Variants in ADAMTS17 observed in about 807,000 individuals in gnomAD.
ADAMTS17 encodes the protein A disintegrin and metalloproteinase with thrombospondin motifs 17.
ADAMTS17 carries 113 observed loss-of-function variants against 141.5 expected under a neutral mutation model. That is an observed-to-expected ratio of 0.80 (90% CI 0.69 to 0.93). ADAMTS17 has a LOEUF of 0.93. ADAMTS17 is among the 40% of genes least tolerant of loss of function. The probability of loss-of-function intolerance (pLI) is 0.00; values close to 1 mark genes in which losing one functional copy is unlikely to be tolerated. For missense variants in ADAMTS17, 1,659 were observed against 1,517.9 expected (o/e 1.09, Z -1.54); for synonymous variants, 768 against 630.6 (o/e 1.22, Z -3.27).
At chr15:100,284,780 C>G (rs938358005) in intron 3 of ADAMTS17, among the ~76,000 whole-genome samples, 1 of 152,156 alleles carries the variant, frequency 6.6e-6, no homozygotes, top group Admixed American at 6.5e-5. Context: ...TGCACAGATG[C>G]CAATATTCAC....
At chr15:100,005,962 C>T (rs2141379718) in intron 18 of ADAMTS17, among the ~76,000 whole-genome samples, 1 of 152,150 alleles carries the variant, frequency 6.6e-6, no homozygotes, top group East Asian at 1.9e-4. Context: ...AGCCCCAGCC[C>T]CAGCCCCAGC....
chr15:100,000,909 T>G (rs1162343350), intron 18 of ADAMTS17, among the ~76,000 whole-genome samples: 1 of 152,186 alleles, frequency 6.6e-6, no homozygotes, highest in African/African-American at 2.4e-5. Flanking sequence ...AATAAAAACG[T>G]ATGCTTATTT....
intron 13 of ADAMTS17, among the ~76,000 whole-genome samples, chr15:100,114,762 G>A (rs535805014): frequency 6.5e-4 from 99 of 152,328 alleles, no homozygotes; most frequent in African/African-American, 2.0e-3. Flanking sequence ...GCCCCCCAGA[G>A]AGCCACACCG....
chr15:100,242,358 T>G (rs934455746), intron 7 of ADAMTS17, among the ~76,000 whole-genome samples: 6 of 152,184 alleles, frequency 3.9e-5, no homozygotes, highest in Admixed American at 1.3e-4. Context: ...AAAACATCAG[T>G]GGTAACTTGA....
chr15:100,121,066 G>T (rs1596485984), intron 12 of ADAMTS17, among the ~76,000 whole-genome samples: 1 of 152,258 alleles, frequency 6.6e-6, no homozygotes, highest in East Asian at 1.9e-4. Context: ...AAAAGTATAA[G>T]AACTGAAATG....
chr15:100,247,362 G>T (rs1000952929), intron 7 of ADAMTS17, among the ~76,000 whole-genome samples: 2 of 152,132 alleles, frequency 1.3e-5, no homozygotes, highest in Admixed American at 6.5e-5. Context: ...TCTCAAACAC[G>T]ACTTGCCAGC....
At chr15:100,301,723 T>C (rs1342683996) in intron 3 of ADAMTS17, among the ~76,000 whole-genome samples, 1 of 152,162 alleles carries the variant, frequency 6.6e-6, no homozygotes, top group African/African-American at 2.4e-5. Context: ...AGAAACAACC[T>C]TTACTCTACA....
chr15:100,047,252 G>A lies in ADAMTS17; in HGVS notation c.2591+1605C>T, dbSNP rs554468031. On this transcript the variant is annotated intron_variant, in intron 18 of 21. Coordinates refer to ENST00000268070, the MANE Select transcript of ADAMTS17 (RefSeq NM_139057.4). ...ATAAGACGTTATCAATGACAATGGT[G>A]CCCGAAACTTCATTAGCAATTTTTC... is the stretch of plus-strand genomic sequence containing the variant. 8.2e-5 allele frequency among the ~76,000 whole-genome samples: 11 copies of A among 133,564 alleles called. No homozygotes were observed. In the South Asian group the frequency reaches 2.6e-3, roughly 32 times the overall value. The allele number at this position is 133,564 out of a possible 152,430, so 87.6% of individuals were successfully genotyped here. A position where few individuals can be genotyped will look rare whatever the true frequency, so the allele number is the denominator to read the frequency against.
intron 7 of ADAMTS17, among the ~76,000 whole-genome samples, chr15:100,201,163 T>A (rs1324710620): frequency 6.6e-6 from 1 of 152,184 alleles, no homozygotes; most frequent in East Asian, 1.9e-4. Flanking sequence ...GTGGTGTGGC[T>A]CTGTGTCCCC....
chr15:100,111,316 GT>G (rs918775112), intron 13 of ADAMTS17, among the ~76,000 whole-genome samples: 1 of 152,246 alleles, frequency 6.6e-6, no homozygotes, highest in Admixed American at 6.5e-5. Context: ...GGAGGGCTGG[GT>G]GCAGCCTGGA....
chr15:100,106,943 C>T (rs1246973314), intron 14 of ADAMTS17, among the ~76,000 whole-genome samples: 1 of 152,236 alleles, frequency 6.6e-6, no homozygotes, highest in South Asian at 2.1e-4. Flanking sequence ...CCACTCATCA[C>T]TGCCTCCCTC....
chr15:100,318,274 G>A (rs532925515), intron 3 of ADAMTS17, among the ~76,000 whole-genome samples: 1 of 130,714 alleles, frequency 7.7e-6, no homozygotes, highest in African/African-American at 2.7e-5. Flanking sequence ...TCTAACACCC[G>A]CCCCCCCTTA....
intron 3 of ADAMTS17, among the ~76,000 whole-genome samples, chr15:100,296,658 TC>T (rs558003967): frequency 1.3e-5 from 2 of 152,116 alleles, no homozygotes; most frequent in South Asian, 4.2e-4. Context: ...ATGATTAAGA[TC>T]CCAAATGAAA....
At chr15:100,175,942 A>G (rs1167255164) in intron 8 of ADAMTS17, among the ~76,000 whole-genome samples, 1 of 152,238 alleles carries the variant, frequency 6.6e-6, no homozygotes, top group African/African-American at 2.4e-5. Flanking sequence ...TTAGGACATA[A>G]GAAATAATGA....
intron 3 of ADAMTS17, among the ~76,000 whole-genome samples, chr15:100,314,777 A>C (rs2045509745): frequency 6.6e-6 from 1 of 152,212 alleles, no homozygotes; most frequent in African/African-American, 2.4e-5. Flanking sequence ...CAGTGCCTGC[A>C]GCCAGCCACA....
At chr15:100,090,378 C>A (rs1261582560) in intron 15 of ADAMTS17, among the ~76,000 whole-genome samples, 1 of 152,228 alleles carries the variant, frequency 6.6e-6, no homozygotes, top group Non-Finnish European at 1.5e-5. Flanking sequence ...TTGCAACTAA[C>A]AAACCTTGGC....
intron 5 of ADAMTS17, among the ~76,000 whole-genome samples, chr15:100,261,880 C>T (rs978839764): frequency 6.6e-6 from 1 of 152,188 alleles, no homozygotes; most frequent in Admixed American, 6.5e-5. Flanking sequence ...ATCTTCTTTT[C>T]TGCAAACAGA....
chr15:100,202,374 C>G (rs934805845), intron 7 of ADAMTS17, among the ~76,000 whole-genome samples: 1 of 152,162 alleles, frequency 6.6e-6, no homozygotes, highest in East Asian at 1.9e-4. Flanking sequence ...AAAGGTGGAT[C>G]AAGGTCGAGT....
intron 8 of ADAMTS17, among the ~76,000 whole-genome samples, chr15:100,192,545 G>T (rs370466513): frequency 3.3e-5 from 5 of 152,086 alleles, no homozygotes; most frequent in African/African-American, 1.2e-4. Context: ...TTTCAATGCC[G>T]GCCCATCTGA....
Sources: allele counts gnomAD v4.1 joint callset (sites outside exome capture counted in the v4.1 genomes callset), GRCh38; gene constraint gnomAD v4.1.1; transcripts MANE v1.5; gene names NCBI Gene and HGNC (gene_info 2026-07-23, HGNC 2026-07-21).